The following ARSJ variants were observed in gnomAD, a reference collection of about 807,000 sequenced individuals.
The protein encoded by ARSJ is arylsulfatase family member J.
Under a neutral mutation model 35.9 loss-of-function variants are expected in ARSJ, and 26 were observed. That is an observed-to-expected ratio of 0.72 (90% CI 0.53 to 1.00). ARSJ has a LOEUF of 1.00. Ranked by LOEUF, ARSJ falls within the 50% of genes least tolerant of loss-of-function variation. ARSJ has a pLI of 0.00. For synonymous variants in ARSJ, 294 were observed against 267.6 expected, an observed-to-expected ratio of 1.10 and a Z score of -0.96; for missense variants, 667 against 723.6, an observed-to-expected ratio of 0.92 and a Z score of 0.90.
chr4:113,909,939 C>T (rs951971431), intron 1 of ARSJ, among the ~76,000 whole-genome samples: 7 of 151,820 alleles, frequency 4.6e-5, no homozygotes, highest in East Asian at 1.9e-4. Context: ...CCACAAACAT[C>T]GATTATATAT....
chr4:113,930,460 C>T (rs1051906724), intron 1 of ARSJ, among the ~76,000 whole-genome samples: 5 of 152,084 alleles, frequency 3.3e-5, no homozygotes, highest in Admixed American at 1.3e-4. Context: ...TTTGGCAACA[C>T]CCTCACAGAC....
At chr4:113,933,207 G>A (rs548318535) in intron 1 of ARSJ, among the ~76,000 whole-genome samples, 1 of 151,974 alleles carries the variant, frequency 6.6e-6, no homozygotes, top group African/African-American at 2.4e-5. Flanking sequence ...GATTGAAACT[G>A]TAATAAAATG....
intron 1 of ARSJ, among the ~76,000 whole-genome samples, chr4:113,954,773 G>C (rs2149277012): frequency 6.6e-6 from 1 of 152,134 alleles, no homozygotes; most frequent in East Asian, 1.9e-4. Flanking sequence ...ATAAAAGTTG[G>C]GCTGTTTCTA....
chr4:113,916,301 T>C (rs1468989026), intron 1 of ARSJ, among the ~76,000 whole-genome samples: 1 of 152,172 alleles, frequency 6.6e-6, no homozygotes, highest in Non-Finnish European at 1.5e-5. Flanking sequence ...ATTTGAATTC[T>C]GCCTCTATAG....
intron 1 of ARSJ, among the ~76,000 whole-genome samples, chr4:113,917,719 G>C (rs955874598): frequency 6.6e-6 from 1 of 152,022 alleles, no homozygotes; most frequent in Non-Finnish European, 1.5e-5. Flanking sequence ...TCTTCAATAT[G>C]AATACTTACC....
chr4:113,911,854 T>A (rs934009909), intron 1 of ARSJ, among the ~76,000 whole-genome samples: 1 of 152,188 alleles, frequency 6.6e-6, no homozygotes, highest in African/African-American at 2.4e-5. Context: ...TGTGAGATGA[T>A]GAGTGTGTTA....
In ARSJ at chr4:113,902,057, C is replaced by G. The variant is rs764117609; in HGVS notation, c.*217G>C. On this transcript the variant is annotated 3_prime_UTR_variant, in exon 2 of 2. Coordinates refer to ENST00000315366, the MANE Select transcript of ARSJ (RefSeq NM_024590.4). ...AGCAAGAGAAATAAACATCTCCACT[C>G]TCTCTAAGTGTGGCTTGCAAGAGTA... The G allele has an allele frequency of 8.4e-6, 12 of 1,431,498 alleles. No individual in the cohort carries two copies. The highest frequency in any genetic ancestry group is 1.1e-5 in the Non-Finnish European group (12 of 1,062,582). The allele number at this position is 1,431,498 out of a possible 1,614,324, so 88.7% of individuals were successfully genotyped here.
intron 1 of ARSJ, among the ~76,000 whole-genome samples, chr4:113,930,521 C>T (rs868835789): frequency 6.6e-6 from 1 of 152,096 alleles, no homozygotes; most frequent in Non-Finnish European, 1.5e-5. Flanking sequence ...ACTGACACCC[C>T]ATATTAACCA....
At chr4:113,914,519 G>T (rs1055645995) in intron 1 of ARSJ, among the ~76,000 whole-genome samples, 1 of 152,122 alleles carries the variant, frequency 6.6e-6, no homozygotes, top group Admixed American at 6.6e-5. Context: ...GAGCAGAATT[G>T]CCTTCTTTTA....
At chr4:113,923,061 G>C (rs79283293) in intron 1 of ARSJ, among the ~76,000 whole-genome samples, 1 of 152,054 alleles carries the variant, frequency 6.6e-6, no homozygotes, top group Non-Finnish European at 1.5e-5. Context: ...GAATTCTGCC[G>C]GCAGGTTGCC....
chr4:113,917,664 A>G (rs970528876), intron 1 of ARSJ, among the ~76,000 whole-genome samples: 8 of 152,180 alleles, frequency 5.3e-5, no homozygotes, highest in African/African-American at 1.9e-4. Flanking sequence ...TTACCAGCAT[A>G]TTATTAGACT....
At chr4:113,959,971 T>C (rs900318185) in intron 1 of ARSJ, among the ~76,000 whole-genome samples, 1 of 152,070 alleles carries the variant, frequency 6.6e-6, no homozygotes, top group African/African-American at 2.4e-5. Flanking sequence ...TATTAAGTAA[T>C]GTACCTTCTA....
At chr4:113,940,258 G>A (rs994223642) in intron 1 of ARSJ, among the ~76,000 whole-genome samples, 24 of 152,118 alleles carry the variant, frequency 1.6e-4, no homozygotes, top group African/African-American at 5.6e-4. Flanking sequence ...ATCAATGATA[G>A]ACTGGATAAA....
At chr4:113,957,833 A>C (rs1053587456) in intron 1 of ARSJ, among the ~76,000 whole-genome samples, 6 of 152,134 alleles carry the variant, frequency 3.9e-5, no homozygotes, top group Admixed American at 1.3e-4. Context: ...ATGTAACAGC[A>C]GTCTAAAAAT....
intron 1 of ARSJ, among the ~76,000 whole-genome samples, chr4:113,957,588 T>G (rs116723678): frequency 0.014 from 2,099 of 151,996 alleles, 47 homozygotes; most frequent in African/African-American, 0.048. Context: ...CCATCAACTC[T>G]GAGCTCTCTC....
chr4:113,916,504 A>G (rs1034870103), intron 1 of ARSJ, among the ~76,000 whole-genome samples: 3 of 139,854 alleles, frequency 2.1e-5, no homozygotes, highest in African/African-American at 7.7e-5. Flanking sequence ...GCTAGTTATA[A>G]CTAATTGTTA....
intron 1 of ARSJ, among the ~76,000 whole-genome samples, chr4:113,911,753 C>A (rs1184028188): frequency 6.6e-6 from 1 of 152,022 alleles, no homozygotes; most frequent in East Asian, 1.9e-4. Flanking sequence ...TGTCAGATAT[C>A]CACTTGGAAA....
chr4:113,925,491 C>G (rs1250822426), intron 1 of ARSJ, among the ~76,000 whole-genome samples: 1 of 152,122 alleles, frequency 6.6e-6, no homozygotes, highest in Admixed American at 6.5e-5. Flanking sequence ...CCCAGCCCTG[C>G]AAAGTATTGT....
chr4:113,928,037 C>A (rs1387396111), intron 1 of ARSJ, among the ~76,000 whole-genome samples: 3 of 152,074 alleles, frequency 2.0e-5, no homozygotes, highest in Non-Finnish European at 4.4e-5. Context: ...GGGGAAATGA[C>A]CACAGAATGA....
Sources: allele counts gnomAD v4.1 joint callset (sites outside exome capture counted in the v4.1 genomes callset), GRCh38; gene constraint gnomAD v4.1.1; transcripts MANE v1.5; gene names NCBI Gene and HGNC (gene_info 2026-07-23, HGNC 2026-07-21).